SYTL3: variants seen among roughly 807,000 people sequenced by gnomAD.
SYTL3 encodes the protein synaptotagmin like 3.
SYTL3 carries 88 observed loss-of-function variants against 82.1 expected under a neutral mutation model. The ratio of observed to expected loss-of-function variants is 1.07; its 90% CI spans 0.90 to 1.28. The LOEUF is 1.28. Among genes scored for constraint, SYTL3 ranks in the 50% most tolerant of loss-of-function variants. The pLI is 0.00. For synonymous variants in SYTL3, 311 were observed against 289.4 expected, an observed-to-expected ratio of 1.07 and a Z score of -0.76; for missense variants, 831 against 757.6, an observed-to-expected ratio of 1.10 and a Z score of -1.14.
At chr6:158,741,720 T>A (rs1186831424) in intron 11 of SYTL3, among the ~76,000 whole-genome samples, 1 of 150,754 alleles carries the variant, frequency 6.6e-6, no homozygotes, top group Non-Finnish European at 1.5e-5. Context: ...AGAAATGGTT[T>A]GTTGTTGTGC....
At position 158,742,121 on chromosome 6, in the gene SYTL3, C is replaced by G. The variant is rs144357423; in HGVS notation, c.856-3359C>G. Among the ~76,000 whole-genome samples the G allele has an allele frequency of 9.5e-3, 1,448 of 152,238 alleles. 14 individuals are homozygous for G. Among genetic ancestry groups the G allele is most frequent in the African/African-American group, 0.032 (1,334 of 41,534 alleles). On this transcript the variant is annotated intron_variant, in intron 11 of 17. Coordinates refer to ENST00000611299, the MANE Select transcript of SYTL3 (RefSeq NM_001242394.2). ...AAAACTGCTCAAATTTGCTTTTTGT[C>G]TAACATCATTTCCATAGTCTAAAAT...
upstream of SYTL3, among the ~76,000 whole-genome samples, chr6:158,648,446 C>T (rs1379576359): frequency 6.6e-6 from 1 of 151,768 alleles, no homozygotes. Context: ...AAAAAATTAG[C>T]TGGGTGCGGT....
At chr6:158,683,215 C>CTTT (rs35183958) in intron 6 of SYTL3, among the ~76,000 whole-genome samples, 269 of 92,060 alleles carry the variant, frequency 2.9e-3, no homozygotes, top group Middle Eastern at 7.8e-3. Context: ...GGCCCTATTC[C>CTTT]TTTTTTTTTT....
At chr6:158,741,643 C>T (rs576659294) in intron 11 of SYTL3, among the ~76,000 whole-genome samples, 1 of 152,172 alleles carries the variant, frequency 6.6e-6, no homozygotes, top group Non-Finnish European at 1.5e-5. Flanking sequence ...CTCAGTCCAA[C>T]CACTAAGCTG....
chr6:158,737,697 C>T (rs1207651478), intron 11 of SYTL3, among the ~76,000 whole-genome samples: 2 of 152,260 alleles, frequency 1.3e-5, no homozygotes, highest in Non-Finnish European at 2.9e-5. Flanking sequence ...AGGCTCTGTT[C>T]TGGCTCCAGA....
At chr6:158,675,866 C>T (rs377183091) in intron 5 of SYTL3, among the ~76,000 whole-genome samples, 17 of 152,220 alleles carry the variant, frequency 1.1e-4, no homozygotes, top group East Asian at 7.7e-4. Context: ...AGGAGAATGG[C>T]GTGAACCCGG....
intron 4 of SYTL3, among the ~76,000 whole-genome samples, chr6:158,663,946 C>T (rs773475678): frequency 6.6e-6 from 1 of 152,062 alleles, no homozygotes; most frequent in Non-Finnish European, 1.5e-5. Context: ...GGAACTCTTC[C>T]CTGTCTGTCT....
chr6:158,727,670 C>T (rs986891605), intron 11 of SYTL3, among the ~76,000 whole-genome samples: 5 of 135,644 alleles, frequency 3.7e-5, no homozygotes, highest in Admixed American at 2.2e-4. Flanking sequence ...TTCTCATGTG[C>T]GTGTCTCATC....
chr6:158,672,901 C>T (rs1052099735), intron 5 of SYTL3, among the ~76,000 whole-genome samples: 1 of 152,076 alleles, frequency 6.6e-6, no homozygotes, highest in Admixed American at 6.6e-5. Context: ...TCTCAAACTG[C>T]TGGAATTTCA....
At chr6:158,759,508 C>T (rs1789618451) in intron 14 of SYTL3, among the ~76,000 whole-genome samples, 2 of 152,178 alleles carry the variant, frequency 1.3e-5, no homozygotes, top group African/African-American at 4.8e-5. Flanking sequence ...GTCCAACCTG[C>T]AGCCCGGGAC....
Position 158,760,744 on chromosome 6 carries a change from A to T in SYTL3, c.1413A>T (p.Glu471Asp). The T allele has an allele frequency of 6.2e-7, 1 of 1,612,178 alleles. No individual in the cohort carries two copies. Residue 471 changes from glutamate (E) to aspartate (D), a missense_variant and splice_region_variant, in exon 15 of 18, where the codon GAA becomes GAT. Transcript: ENST00000611299. ...SRPRKLQEAQEGTDQPSLHGQ... is the reference protein window; with the variant it reads ...SRPRKLQEAQDGTDQPSLHGQ... ...CCAGAAAACTCCAAGAGGCTCAAGA[A>T]GGTCAGTGGCCTCCAGCTCCCTGGA... is the stretch of plus-strand genomic sequence containing the variant.
chr6:158,648,249 C>T (rs1289680921), upstream of SYTL3, among the ~76,000 whole-genome samples: 3 of 151,548 alleles, frequency 2.0e-5, no homozygotes, highest in Non-Finnish European at 4.4e-5. Flanking sequence ...GCTGAGATAG[C>T]GCCATTGCAC....
upstream of SYTL3, among the ~76,000 whole-genome samples, chr6:158,648,905 G>C (rs746772926): frequency 6.6e-6 from 1 of 152,340 alleles, no homozygotes; most frequent in South Asian, 2.1e-4. Flanking sequence ...GATTAGCTAA[G>C]AAGTGCCTAT....
intron 6 of SYTL3, among the ~76,000 whole-genome samples, chr6:158,684,557 A>T (rs1369769733): frequency 6.6e-6 from 1 of 151,912 alleles, no homozygotes; most frequent in Non-Finnish European, 1.5e-5. Context: ...TGCGGGCAGC[A>T]CCCCTCCTCT....
chr6:158,701,277 AGTGTGAGCTG>A lies in SYTL3; in HGVS notation c.395-5951_395-5942del, dbSNP rs1781227883. ...GTGTGAGCTGGGGTGTAGATGAAGG[AGTGTGAGCTG>A]GGGTGTAGATGAAGGAGTGTGAGCT... On this transcript the variant is annotated intron_variant, in intron 6 of 17. Coordinates refer to ENST00000611299, the MANE Select transcript of SYTL3 (RefSeq NM_001242394.2). Among the ~76,000 whole-genome samples, 12 of 3,266 alleles carry A rather than the reference AGTGTGAGCTG, an allele frequency of 3.7e-3. 1 individual carries two copies. Among genetic ancestry groups the A allele is most frequent in the South Asian group, 0.025 (1 of 40 alleles). The allele number at this position is 3,266 out of a possible 152,430, so 2.1% of individuals were successfully genotyped here. A position where few individuals can be genotyped will look rare whatever the true frequency, so the allele number is the denominator to read the frequency against.
chr6:158,664,472 G>A (rs1380098016), intron 4 of SYTL3, among the ~76,000 whole-genome samples: 3 of 152,178 alleles, frequency 2.0e-5, no homozygotes, highest in African/African-American at 7.2e-5. Flanking sequence ...GAACCTGGGA[G>A]GTGGAGTTTG....
intron 14 of SYTL3, among the ~76,000 whole-genome samples, chr6:158,758,529 C>T (rs1041502135): frequency 6.6e-6 from 1 of 152,168 alleles, no homozygotes; most frequent in African/African-American, 2.4e-5. Context: ...GGACATAAGG[C>T]ACAAGGGCCA....
At chr6:158,707,907 A>G (rs1047448252) in intron 7 of SYTL3, among the ~76,000 whole-genome samples, 3 of 152,098 alleles carry the variant, frequency 2.0e-5, no homozygotes, top group Non-Finnish European at 4.4e-5. Flanking sequence ...TTCTTTTAGC[A>G]CAAGCTTCCA....
intron 1 of SYTL3, among the ~76,000 whole-genome samples, chr6:158,650,677 T>C (rs1391189701): frequency 6.6e-6 from 1 of 151,906 alleles, no homozygotes; most frequent in Non-Finnish European, 1.5e-5. Context: ...GTGCGGTGGC[T>C]CACGCCTGTA....
Sources: gnomAD v4.1 joint callset for allele counts (sites outside exome capture counted in the v4.1 genomes callset) on GRCh38, gnomAD v4.1.1 for gene constraint, MANE v1.5 for transcripts, NCBI Gene and HGNC (gene_info 2026-07-23, HGNC 2026-07-21) for gene names.